The following PLCH2 variants were observed in gnomAD, a reference collection of about 807,000 sequenced individuals.
PLCH2 encodes the protein phospholipase C eta 2.
PLCH2 carries 98 observed loss-of-function variants against 134.7 expected under a neutral mutation model. The ratio of observed to expected loss-of-function variants is 0.73; its 90% confidence interval spans 0.62 to 0.86. The LOEUF (loss-of-function observed/expected upper bound fraction) is 0.86. PLCH2 is among the 40% of genes least tolerant of loss of function. PLCH2 has a pLI of 0.00. For missense variants in PLCH2, 1,994 were observed against 1,986.6 expected, an observed-to-expected ratio of 1.00 and a Z score of -0.07; for synonymous variants, 974 against 827.5, an observed-to-expected ratio of 1.18 and a Z score of -3.04.
At chr1:2,440,666 C>A in intron 2 of PLCH2, among the ~76,000 whole-genome samples, 1 of 133,730 alleles carries the variant, frequency 7.5e-6, no homozygotes, top group East Asian at 2.3e-4. Flanking sequence ...GACCAGGGAT[C>A]CTCTCTCCAT....
chr1:2,462,149 C>A (rs1200102275), intron 2 of PLCH2, among the ~76,000 whole-genome samples: 38 of 125,238 alleles, frequency 3.0e-4, no homozygotes, highest in Admixed American at 9.2e-4. Flanking sequence ...CGCCTGACAC[C>A]CCTACACCTG....
Position 2,445,708 on chromosome 1 carries a change from G to T in PLCH2, c.115+15079G>T, listed in dbSNP as rs373169053. On this transcript the variant is annotated intron_variant, in intron 2 of 3. Transcript: ENST00000609981. ...CAGACCCTCCTAGGTGGTGGTGGGGGCCTGGCAGCCCGGTTCCCGAGGCCC... is the reference window on the plus strand; with the variant it reads ...CAGACCCTCCTAGGTGGTGGTGGGGTCCTGGCAGCCCGGTTCCCGAGGCCC... Among the ~76,000 whole-genome samples the T allele has an allele frequency of 2.5e-4, 38 of 152,292 alleles. No individual in the cohort carries two copies. In the East Asian group the frequency reaches 5.6e-3, roughly 22 times the overall value.
the PLCH2 span, among the ~76,000 whole-genome samples, chr1:2,418,571 G>T: frequency 6.6e-6 from 1 of 152,230 alleles, no homozygotes; most frequent in Non-Finnish European, 1.5e-5. Context: ...CCTCCTTCAG[G>T]AGTTCTGAAC....
chr1:2,499,010 CG>C (rs1643059366), intron 18 of PLCH2, 73 bp from the exon 19 acceptor site: 4 of 1,525,336 alleles, frequency 2.6e-6, no homozygotes, highest in Non-Finnish European at 3.6e-6. Context: ...TGGTGTGGGC[CG>C]GGGGCTCCAG....
At chr1:2,489,053 T>C in intron 8 of PLCH2, among the ~76,000 whole-genome samples, 154 bp from the exon 9 acceptor site, 1 of 152,132 alleles carries the variant, frequency 6.6e-6, no homozygotes, top group Non-Finnish European at 1.5e-5. Context: ...GTGGGCCACC[T>C]CCCAGAGCTG....
rs904392757 is a variant in PLCH2, at chr1:2,480,041, G to C, written c.515+64G>C. ...ACCGGCCCCTTGGCTGCTCACCCTG[G>C]GGGGGCCTGTCCTTTGCCGGGTCAC... On this transcript the variant is annotated intron_variant, in intron 3 of 21. Transcript: ENST00000378486. 42 of 1,583,508 alleles carry C rather than the reference G, an allele frequency of 2.7e-5. No individual in the cohort carries two copies. The African/African-American group carries it at 4.3e-4, about 16-fold the overall frequency.
chr1:2,495,993 G>A (rs1427661770), intron 13 of PLCH2, among the ~76,000 whole-genome samples: 2 of 152,250 alleles, frequency 1.3e-5, no homozygotes, highest in East Asian at 3.9e-4. Flanking sequence ...ACTGTCTGGG[G>A]TCTCTTTGAG....
chr1:2,497,922 C>T, intron 16 of PLCH2: 1 of 351,458 alleles, frequency 2.8e-6, no homozygotes, highest in Non-Finnish European at 5.2e-6. Flanking sequence ...AGCGACCCAG[C>T]CCCCTGTGCC....
At chr1:2,497,462 G>A (rs1330304892) in intron 15 of PLCH2, 40 bp from the exon 16 acceptor site, 2 of 1,422,658 alleles carry the variant, frequency 1.4e-6, no homozygotes, top group African/African-American at 2.8e-5. Flanking sequence ...CACCTGGAAG[G>A]TCAGGTGCTG....
At chr1:2,469,726 G>A (rs1641236304) in intron 1 of PLCH2, among the ~76,000 whole-genome samples, 2 of 152,106 alleles carry the variant, frequency 1.3e-5, no homozygotes, top group South Asian at 2.1e-4. Flanking sequence ...CACTGCATAC[G>A]TGGGCTCCCA....
At chr1:2,451,554 G>T (rs945853513) in intron 2 of PLCH2, among the ~76,000 whole-genome samples, 1 of 152,148 alleles carries the variant, frequency 6.6e-6, no homozygotes, top group Admixed American at 6.5e-5. Flanking sequence ...CCAGAGAGCC[G>T]CGACCCACCA....
At chr1:2,455,407 C>T (rs1001134268) in intron 2 of PLCH2, among the ~76,000 whole-genome samples, 4 of 152,164 alleles carry the variant, frequency 2.6e-5, no homozygotes, top group African/African-American at 7.2e-5. Flanking sequence ...CCAAATTTGG[C>T]GGTTCACCCA....
At chr1:2,482,017 C>T (rs897288404) in intron 4 of PLCH2, among the ~76,000 whole-genome samples, 1 of 152,386 alleles carries the variant, frequency 6.6e-6, no homozygotes, top group South Asian at 2.1e-4. Flanking sequence ...TAAGATAAGG[C>T]TGGAAGTGGG....
At chr1:2,497,262 C>T (rs1320066786) in intron 15 of PLCH2, among the ~76,000 whole-genome samples, 1 of 152,260 alleles carries the variant, frequency 6.6e-6, no homozygotes, top group African/African-American at 2.4e-5. Flanking sequence ...TCCACCTACT[C>T]CCAGGGATAC....
upstream of PLCH2, among the ~76,000 whole-genome samples, chr1:2,475,491 C>T (rs906520889): frequency 5.3e-5 from 8 of 152,234 alleles, no homozygotes; most frequent in African/African-American, 1.9e-4. Flanking sequence ...GATGGGAGAG[C>T]CTGTGCTGTC....
chr1:2,440,634 G>A (rs575859709), intron 2 of PLCH2, among the ~76,000 whole-genome samples: 4 of 76,506 alleles, frequency 5.2e-5, no homozygotes, highest in Admixed American at 1.4e-4. Flanking sequence ...TGCCCGGCCC[G>A]CCAGGGGATC....
chr1:2,451,629 T>A (rs1176266854), intron 2 of PLCH2, among the ~76,000 whole-genome samples: 2 of 152,088 alleles, frequency 1.3e-5, no homozygotes, highest in Non-Finnish European at 2.9e-5. Flanking sequence ...CTGGGGGCTC[T>A]CGGGGGCTCT....
intron 12 of PLCH2, 94 bp from the exon 13 acceptor site, chr1:2,495,393 AC>A (rs1244767589): frequency 3.9e-6 from 4 of 1,021,916 alleles, no homozygotes; most frequent in Non-Finnish European, 5.8e-6. Flanking sequence ...GCCGCTGGGG[AC>A]CCCGGAGGAT....
chr1:2,494,250 T>G (rs1394043964), intron 11 of PLCH2: 1 of 160,010 alleles, frequency 6.2e-6, no homozygotes, highest in East Asian at 1.9e-4. Flanking sequence ...GAGCAGCTCG[T>G]GAGGCAGCCC....
Sources: gnomAD v4.1 joint callset for allele counts (sites outside exome capture counted in the v4.1 genomes callset) on GRCh38, gnomAD v4.1.1 for gene constraint, MANE v1.5 for transcripts, NCBI Gene and HGNC (gene_info 2026-07-23, HGNC 2026-07-21) for gene names.